The following PCYT1B variants were observed in gnomAD, a reference collection of about 807,000 sequenced individuals.
The protein encoded by PCYT1B is phosphate cytidylyltransferase 1B, choline.
In PCYT1B, 10 loss-of-function variants were observed where a neutral mutation model predicts 26.4. The observed-to-expected ratio is 0.38, with a 90% confidence interval of 0.23 to 0.64. The LOEUF (loss-of-function observed/expected upper bound fraction) is 0.64. Ranked by LOEUF, PCYT1B falls within the 30% of genes least tolerant of loss-of-function variation. PCYT1B has a pLI of 0.56. For missense variants in PCYT1B, 161 were observed against 292.7 expected, an observed-to-expected ratio of 0.55 and a Z score of 3.28; for synonymous variants, 131 against 108.4, an observed-to-expected ratio of 1.21 and a Z score of -1.29.
chrX:24,596,391 A>G (rs1358523193), intron 3 of PCYT1B, among the ~76,000 whole-genome samples: 3 of 110,959 alleles, frequency 2.7e-5, no homozygotes, highest in African/African-American at 9.8e-5. Flanking sequence ...CAGGAGTTCG[A>G]GACCATCCTG....
At chrX:24,628,127 G>A (rs1161553259) in intron 1 of PCYT1B, among the ~76,000 whole-genome samples, 1 of 112,003 alleles carries the variant, frequency 8.9e-6, no homozygotes, top group Non-Finnish European at 1.9e-5. Context: ...GAAACTGAGA[G>A]AGTATGTGAT....
At chrX:24,630,538 G>C (rs758550604) in intron 1 of PCYT1B, among the ~76,000 whole-genome samples, 2 of 111,744 alleles carry the variant, frequency 1.8e-5, no homozygotes, top group African/African-American at 6.5e-5. Context: ...CTCGTGATCC[G>C]CCCGCCTTGG....
intron 2 of PCYT1B, among the ~76,000 whole-genome samples, chrX:24,611,749 A>G (rs1925314909): frequency 9.0e-6 from 1 of 110,995 alleles, no homozygotes; most frequent in Admixed American, 9.7e-5. Flanking sequence ...AGGTGGGTGG[A>G]TTACCTGAGG....
At chrX:24,605,035 G>T (rs949116998) in intron 3 of PCYT1B, among the ~76,000 whole-genome samples, 1 of 111,601 alleles carries the variant, frequency 9.0e-6, no homozygotes, top group African/African-American at 3.3e-5. Context: ...TCTTCCTGAT[G>T]GTACAATTCA....
At position 24,561,225 on chromosome X, in the gene PCYT1B, G is replaced by A. The variant is rs940173061; in HGVS notation, c.*1068C>T. On this transcript the variant is annotated 3_prime_UTR_variant, in exon 8 of 8. Coordinates refer to ENST00000379144, the MANE Select transcript of PCYT1B (RefSeq NM_004845.5). ...AGGATTTCAGAGGAGTATTATGGTG[G>A]AGCGCAGGAGTGGGGTCTATTATAA... 8.9e-6 allele frequency: 1 copy of A among 112,349 alleles called. No individual in the cohort carries two copies. Among genetic ancestry groups the A allele is most frequent in the Non-Finnish European group, 1.9e-5 (1 of 53,270 alleles). The allele number at this position is 112,349 out of a possible 1,213,427, so 9.3% of individuals were successfully genotyped here.
In PCYT1B at chrX:24,573,129, CACAT is replaced by C. The variant is rs1457708711; in HGVS notation, c.897+1997_897+2000del. ...ACATATATACCCACACATATACACA[CACAT>C]ACACACACACACACACACACACACA... On this transcript the variant is annotated intron_variant, in intron 7 of 7. Coordinates refer to ENST00000379144, the MANE Select transcript of PCYT1B (RefSeq NM_004845.5). Among the ~76,000 whole-genome samples, 18 of 21,550 alleles carry C rather than the reference CACAT, an allele frequency of 8.4e-4. No homozygotes were observed. The Admixed American group carries it at 0.015, about 18-fold the overall frequency. 18.7% of individuals were successfully genotyped at this position (21,550 alleles called of 115,157 possible).
At chrX:24,669,224 A>C (rs1486658060) in intron 1 of PCYT1B, among the ~76,000 whole-genome samples, 1 of 111,878 alleles carries the variant, frequency 8.9e-6, no homozygotes, top group African/African-American at 3.2e-5. Context: ...ACTACTGAGC[A>C]CTTAAAATGT....
At chrX:24,572,427 T>A (rs1923862218) in intron 7 of PCYT1B, among the ~76,000 whole-genome samples, 1 of 111,762 alleles carries the variant, frequency 8.9e-6, no homozygotes, top group South Asian at 3.7e-4. Flanking sequence ...ATACCCACTA[T>A]AAGTTACATA....
At chrX:24,669,380 G>A (rs1265421572) in intron 1 of PCYT1B, among the ~76,000 whole-genome samples, 1 of 108,444 alleles carries the variant, frequency 9.2e-6, no homozygotes, top group Non-Finnish European at 1.9e-5. Flanking sequence ...AGCTGGGCAT[G>A]GTGGTGGGTG....
At chrX:24,656,551 C>CTTTTTTTTTT (rs1179469896) in intron 1 of PCYT1B, among the ~76,000 whole-genome samples, 51 of 56,616 alleles carry the variant, frequency 9.0e-4, no homozygotes, top group East Asian at 2.0e-3. Context: ...TCTTTTTTTC[C>CTTTTTTTTTT]TTTTTTTTTT....
chrX:24,646,898 T>A (rs1404412048), intron 1 of PCYT1B, 91 bp downstream of exon 1: 1 of 692,141 alleles, frequency 1.4e-6, no homozygotes, highest in Non-Finnish European at 2.3e-6. Context: ...GAAAATCCTC[T>A]AAGCATCGTT....
At chrX:24,590,955 G>A (rs887573325) in intron 3 of PCYT1B, among the ~76,000 whole-genome samples, 2 of 109,580 alleles carry the variant, frequency 1.8e-5, no homozygotes, top group Non-Finnish European at 1.9e-5. Flanking sequence ...CACCACCCAG[G>A]CTAATTTTTT....
chrX:24,658,929 C>A, intron 1 of PCYT1B, among the ~76,000 whole-genome samples: 1 of 112,052 alleles, frequency 8.9e-6, no homozygotes. Context: ...CAGACAATTG[C>A]TAACATTGTC....
At chrX:24,591,455 G>T (rs1230727644) in intron 3 of PCYT1B, among the ~76,000 whole-genome samples, 1 of 110,016 alleles carries the variant, frequency 9.1e-6, no homozygotes, top group Non-Finnish European at 1.9e-5. Context: ...ACAGAATCTT[G>T]TTCTGTCACC....
At position 24,598,152 on chromosome X, in the gene PCYT1B, A is replaced by C. The variant is rs1171802955; in HGVS notation, c.335-7978T>G. On this transcript the variant is annotated intron_variant, in intron 3 of 7. Transcript: ENST00000379144. ...ATTGGAATAGACACATGGGTAAAAC[A>C]TTTACATAATTTTTTACAGGCTTCA... 3.6e-5 allele frequency among the ~76,000 whole-genome samples: 4 copies of C among 112,030 alleles called. 1 individual carries two copies. The highest frequency in any genetic ancestry group is 1.3e-4 in the African/African-American group (4 of 30,896).
intron 2 of PCYT1B, among the ~76,000 whole-genome samples, chrX:24,609,462 G>A (rs1925241187): frequency 8.9e-6 from 1 of 112,101 alleles, no homozygotes; most frequent in African/African-American, 3.2e-5. Context: ...AGCTAATAAT[G>A]TTCTTTAAAA....
At chrX:24,615,468 C>CA (rs1555960591) in intron 2 of PCYT1B, among the ~76,000 whole-genome samples, 1 of 103,762 alleles carries the variant, frequency 9.6e-6, no homozygotes, top group Admixed American at 1.0e-4. Context: ...TTGTCCCACA[C>CA]TTTTTTTTTT....
intron 1 of PCYT1B, among the ~76,000 whole-genome samples, chrX:24,659,221 A>C (rs750551799): frequency 1.8e-5 from 2 of 112,181 alleles, no homozygotes; most frequent in Non-Finnish European, 3.8e-5. Flanking sequence ...AGTTTGTTTG[A>C]CATTTAATAA....
At chrX:24,617,441 A>ATAT (rs1231382265) in intron 2 of PCYT1B, among the ~76,000 whole-genome samples, 23 of 53,861 alleles carry the variant, frequency 4.3e-4, no homozygotes, top group South Asian at 3.4e-3. Context: ...ATTTTATTTT[A>ATAT]TATTATTATT....
Sources: allele counts gnomAD v4.1 joint callset (sites outside exome capture counted in the v4.1 genomes callset), GRCh38; gene constraint gnomAD v4.1.1; transcripts MANE v1.5; gene names NCBI Gene and HGNC (gene_info 2026-07-23, HGNC 2026-07-21).